RBMS3: variants seen among roughly 807,000 people sequenced by gnomAD.
The protein encoded by RBMS3 is RNA binding motif single stranded interacting protein 3.
In RBMS3, 27 loss-of-function variants were observed where a neutral mutation model predicts 66.8. The observed-to-expected ratio is 0.40, with a 90% CI of 0.30 to 0.56. The LOEUF (loss-of-function observed/expected upper bound fraction) is 0.56, where lower values mean the gene tolerates loss of function less well. Among genes scored for constraint, RBMS3 ranks in the 20% least tolerant of loss-of-function variants. RBMS3 has a pLI of 0.40. For missense variants in RBMS3, 513 were observed against 549.5 expected (o/e 0.93, Z 0.66); for synonymous variants, 188 against 183.0 (o/e 1.03, Z -0.22).
intron 4 of RBMS3, among the ~76,000 whole-genome samples, chr3:29,587,644 G>A (rs571320558): frequency 6.6e-6 from 1 of 151,832 alleles, no homozygotes; most frequent in Non-Finnish European, 1.5e-5. Context: ...GATAAACTGT[G>A]TGCTAAAAAA....
chr3:29,405,283 T>C (rs919681746), intron 1 of RBMS3, among the ~76,000 whole-genome samples: 1 of 152,192 alleles, frequency 6.6e-6, no homozygotes, highest in Non-Finnish European at 1.5e-5. Context: ...CGTTTAACCA[T>C]GTTTACGCTT....
At chr3:29,878,133 T>C (rs2059653199) in intron 7 of RBMS3, among the ~76,000 whole-genome samples, 1 of 152,022 alleles carries the variant, frequency 6.6e-6, no homozygotes, top group African/African-American at 2.4e-5. Context: ...CAGTTCACAA[T>C]AGGGTTCCCA....
intron 10 of RBMS3, among the ~76,000 whole-genome samples, chr3:29,915,440 T>C (rs2060615012): frequency 6.6e-6 from 1 of 151,954 alleles, no homozygotes; most frequent in East Asian, 1.9e-4. Flanking sequence ...GGTTTTTCCA[T>C]GCCCTGAATA....
intron 1 of RBMS3, among the ~76,000 whole-genome samples, chr3:29,379,591 T>A (rs1181183082): frequency 2.6e-5 from 4 of 152,194 alleles, no homozygotes; most frequent in Non-Finnish European, 4.4e-5. Context: ...GTCATGAGAC[T>A]TACTCACTAT....
At chr3:29,369,386 A>G (rs1364158805) in intron 1 of RBMS3, among the ~76,000 whole-genome samples, 2 of 151,794 alleles carry the variant, frequency 1.3e-5, no homozygotes, top group Admixed American at 1.3e-4. Flanking sequence ...ATTACTTTCA[A>G]TGGCAAAAAC....
intron 4 of RBMS3, among the ~76,000 whole-genome samples, chr3:29,728,833 A>G (rs1328032800): frequency 6.6e-6 from 1 of 152,114 alleles, no homozygotes; most frequent in African/African-American, 2.4e-5. Context: ...TGCTTCCTCT[A>G]TAACACATAA....
At chr3:29,394,258 A>C (rs2039443509) in intron 1 of RBMS3, among the ~76,000 whole-genome samples, 1 of 152,222 alleles carries the variant, frequency 6.6e-6, no homozygotes, top group Non-Finnish European at 1.5e-5. Flanking sequence ...TTCTGCAAGA[A>C]GAGAAATATG....
At chr3:29,376,280 G>A (rs971595288) in intron 1 of RBMS3, among the ~76,000 whole-genome samples, 4 of 152,088 alleles carry the variant, frequency 2.6e-5, no homozygotes, top group African/African-American at 9.7e-5. Flanking sequence ...CATTTCTGCA[G>A]CAAACCACTC....
Position 29,855,407 on chromosome 3 carries a change from T to C in RBMS3, c.638-13451T>C, listed in dbSNP as rs574661296. On this transcript the variant is annotated intron_variant, in intron 6 of 14. Coordinates refer to ENST00000383767, the MANE Select transcript of RBMS3 (RefSeq NM_001003793.3). ...TAAATTTAATTGCTTCTACATGTTT[T>C]ATATCTAATCATTATATGCCAAAAA... 5.9e-5 allele frequency among the ~76,000 whole-genome samples: 9 copies of C among 152,340 alleles called. No homozygotes were observed. In the South Asian group the frequency reaches 1.9e-3, roughly 32 times the overall value.
At chr3:29,637,775 C>CAA (rs2049528590) in intron 4 of RBMS3, among the ~76,000 whole-genome samples, 2 of 151,740 alleles carry the variant, frequency 1.3e-5, no homozygotes, top group Non-Finnish European at 2.9e-5. Flanking sequence ...CATTTAGTGC[C>CAA]CATAACAACA....
At chr3:29,913,410 C>T (rs1048789795) in intron 10 of RBMS3, among the ~76,000 whole-genome samples, 1 of 151,976 alleles carries the variant, frequency 6.6e-6, no homozygotes, top group Non-Finnish European at 1.5e-5. Flanking sequence ...TGGCGTCACA[C>T]TGTTTATGCA....
intron 1 of RBMS3, among the ~76,000 whole-genome samples, chr3:29,431,961 C>T (rs1308501199): frequency 6.6e-6 from 1 of 152,088 alleles, no homozygotes; most frequent in East Asian, 1.9e-4. Context: ...CTCCTGGGCT[C>T]AAGCAGTCCA....
intron 3 of RBMS3, among the ~76,000 whole-genome samples, chr3:29,537,397 G>A (rs2045600761): frequency 6.6e-6 from 1 of 152,204 alleles, no homozygotes; most frequent in Admixed American, 6.5e-5. Context: ...GCAATTTGAA[G>A]TCAGTACATG....
chr3:29,486,667 G>A (rs2043332361), intron 2 of RBMS3, among the ~76,000 whole-genome samples: 1 of 152,096 alleles, frequency 6.6e-6, no homozygotes, highest in Non-Finnish European at 1.5e-5. Context: ...ATTTAATGCA[G>A]TAGAGGACAT....
chr3:29,870,391 C>G (rs1367514082), intron 7 of RBMS3, among the ~76,000 whole-genome samples: 1 of 152,124 alleles, frequency 6.6e-6, no homozygotes, highest in East Asian at 1.9e-4. Context: ...ATCTTTGGGT[C>G]ACAGACTATC....
At chr3:29,803,383 A>C (rs1469938074) in intron 6 of RBMS3, among the ~76,000 whole-genome samples, 1 of 152,162 alleles carries the variant, frequency 6.6e-6, no homozygotes, top group Non-Finnish European at 1.5e-5. Context: ...TAAATATAAA[A>C]CATTATCTAA....
chr3:29,731,767 A>T (rs1468821822), intron 4 of RBMS3, among the ~76,000 whole-genome samples: 4 of 152,126 alleles, frequency 2.6e-5, no homozygotes, highest in Admixed American at 6.5e-5. Flanking sequence ...ACATTGTATT[A>T]GTCAGGGTTC....
intron 2 of RBMS3, among the ~76,000 whole-genome samples, chr3:29,471,814 A>G (rs553939946): frequency 1.3e-5 from 2 of 149,316 alleles, no homozygotes; most frequent in African/African-American, 4.9e-5. Flanking sequence ...TTATCTGATA[A>G]TTTATTCTCA....
chr3:29,655,179 G>T (rs79148001), intron 4 of RBMS3, among the ~76,000 whole-genome samples: 1 of 152,264 alleles, frequency 6.6e-6, no homozygotes, highest in Admixed American at 6.5e-5. Context: ...ATCTGGTTAA[G>T]CTCTTCTCCC....
Sources: allele counts gnomAD v4.1 joint callset (sites outside exome capture counted in the v4.1 genomes callset), GRCh38; gene constraint gnomAD v4.1.1; transcripts MANE v1.5; gene names NCBI Gene and HGNC (gene_info 2026-07-23, HGNC 2026-07-21).